CDIN1: variants seen among roughly 807,000 people sequenced by gnomAD.
The protein encoded by CDIN1 is CDAN1-interacting nuclease 1.
Under a neutral mutation model 45.3 loss-of-function variants are expected in CDIN1, and 33 were observed. The ratio of observed to expected loss-of-function variants is 0.73; its 90% CI spans 0.55 to 0.97. CDIN1 has a LOEUF of 0.97. CDIN1 is among the 50% of genes least tolerant of loss of function. The pLI is 0.00. For missense variants in CDIN1, 303 were observed against 339.4 expected (o/e 0.89, Z 0.84); for synonymous variants, 118 against 124.4 (o/e 0.95, Z 0.34).
chr15:36,733,016 A>T (rs1336904275), intron 10 of CDIN1, among the ~76,000 whole-genome samples: 1 of 152,098 alleles, frequency 6.6e-6, no homozygotes, highest in Admixed American at 6.5e-5. Flanking sequence ...ACTTATTAGC[A>T]TACTTCTTTG....
At chr15:36,658,604 T>C (rs2040870444) in intron 5 of CDIN1, among the ~76,000 whole-genome samples, 1 of 152,192 alleles carries the variant, frequency 6.6e-6, no homozygotes, top group Non-Finnish European at 1.5e-5. Flanking sequence ...CCTAGTCTCA[T>C]GTAAAAAAGA....
At chr15:36,644,256 G>T in intron 1 of CDIN1, 22 bp from the exon 2 acceptor site, 1 of 1,612,574 alleles carries the variant, frequency 6.2e-7, no homozygotes, top group Non-Finnish European at 8.5e-7. Context: ...AATTAACTTT[G>T]TCCTTCTTTT....
intron 3 of CDIN1, among the ~76,000 whole-genome samples, chr15:36,653,563 C>T (rs978144594): frequency 1.2e-4 from 18 of 151,588 alleles, no homozygotes; most frequent in Admixed American, 3.3e-4. Flanking sequence ...ATAATGAGAG[C>T]TGGAGGTTCT....
At chr15:36,760,647 C>T (rs1161795844) in intron 10 of CDIN1, among the ~76,000 whole-genome samples, 1 of 152,194 alleles carries the variant, frequency 6.6e-6, no homozygotes, top group Non-Finnish European at 1.5e-5. Context: ...CATCCCGCAC[C>T]TGAGGCCTCC....
chr15:36,724,856 AT>A (rs2043564310), intron 10 of CDIN1, among the ~76,000 whole-genome samples: 1 of 152,166 alleles, frequency 6.6e-6, no homozygotes, highest in South Asian at 2.1e-4. Context: ...TATTCAGGGT[AT>A]TGATAGTTAA....
chr15:36,656,205 C>G (rs2040775629), intron 4 of CDIN1, among the ~76,000 whole-genome samples: 1 of 152,160 alleles, frequency 6.6e-6, no homozygotes, highest in Non-Finnish European at 1.5e-5. Context: ...CATACACTTG[C>G]ATCTGGTGAC....
intron 10 of CDIN1, among the ~76,000 whole-genome samples, chr15:36,775,552 A>G (rs536341988): frequency 2.6e-5 from 4 of 152,344 alleles, no homozygotes; most frequent in South Asian, 4.1e-4. Flanking sequence ...ACATTTATCA[A>G]CTACACAGAG....
At chr15:36,642,840 A>G (rs1454272674) in intron 1 of CDIN1, among the ~76,000 whole-genome samples, 3 of 152,202 alleles carry the variant, frequency 2.0e-5, no homozygotes, top group Admixed American at 2.0e-4. Context: ...AATAATATAC[A>G]TGGTTGCTAT....
intron 10 of CDIN1, among the ~76,000 whole-genome samples, chr15:36,772,985 T>C (rs1019912724): frequency 1.3e-5 from 2 of 152,106 alleles, no homozygotes; most frequent in African/African-American, 2.4e-5. Flanking sequence ...CTCTCCTGCA[T>C]TGTAGTTACA....
In CDIN1 at chr15:36,590,635, A is replaced by T. The variant is rs144786166; in HGVS notation, c.101+10674A>T. On this transcript the variant is annotated intron_variant, in intron 1 of 10. Transcript: ENST00000566621. Reference sequence around the variant, plus strand: ...ATCATCATTGCTCCCCACCCCCAACATATACTTATTTTTAATTATTTTCAG... The same window carrying T: ...ATCATCATTGCTCCCCACCCCCAACTTATACTTATTTTTAATTATTTTCAG... 6.2e-4 allele frequency among the ~76,000 whole-genome samples: 94 copies of T among 152,258 alleles called. 1 individual carries two copies. The East Asian group carries it at 0.017, about 28-fold the overall frequency.
intron 7 of CDIN1, among the ~76,000 whole-genome samples, chr15:36,694,963 A>G (rs115398096): frequency 0.019 from 2,842 of 152,338 alleles, 100 homozygotes; most frequent in African/African-American, 0.065. Flanking sequence ...AATGTCTTCA[A>G]TGGACTCTGA....
At chr15:36,709,586 T>A (rs1365993132) in intron 9 of CDIN1, among the ~76,000 whole-genome samples, 2 of 152,176 alleles carry the variant, frequency 1.3e-5, no homozygotes, top group Non-Finnish European at 2.9e-5. Context: ...TTGGTCTGCT[T>A]GACATGGCAC....
intron 1 of CDIN1, among the ~76,000 whole-genome samples, chr15:36,620,417 T>C (rs996245507): frequency 2.0e-5 from 3 of 152,152 alleles, no homozygotes; most frequent in African/African-American, 7.2e-5. Context: ...AGTGTGTAGG[T>C]GAAATATATT....
intron 10 of CDIN1, among the ~76,000 whole-genome samples, chr15:36,722,575 G>A (rs548882470): frequency 1.3e-5 from 2 of 152,220 alleles, no homozygotes; most frequent in South Asian, 4.2e-4. Context: ...GTGAGACAGA[G>A]CCCTGTTCAC....
chr15:36,715,253 T>A (rs898330887), intron 10 of CDIN1, among the ~76,000 whole-genome samples: 5 of 152,188 alleles, frequency 3.3e-5, no homozygotes, highest in Admixed American at 2.6e-4. Context: ...AAGGCAATGC[T>A]AAGCTAATAC....
At chr15:36,636,318 C>A (rs755835242) in intron 1 of CDIN1, among the ~76,000 whole-genome samples, 5 of 151,986 alleles carry the variant, frequency 3.3e-5, no homozygotes, top group Non-Finnish European at 5.9e-5. Context: ...TTTGGGAGGC[C>A]AAGGTGGGAG....
At chr15:36,596,210 T>G (rs1469677243) in intron 1 of CDIN1, among the ~76,000 whole-genome samples, 2 of 152,040 alleles carry the variant, frequency 1.3e-5, no homozygotes, top group Non-Finnish European at 2.9e-5. Flanking sequence ...TTAAAGAAGT[T>G]TTGGATTAAA....
At chr15:36,785,149 T>C (rs2054456988) in intron 10 of CDIN1, among the ~76,000 whole-genome samples, 1 of 152,168 alleles carries the variant, frequency 6.6e-6, no homozygotes, top group Non-Finnish European at 1.5e-5. Flanking sequence ...ATGATTCACA[T>C]TTACATGGAG....
chr15:36,592,568 C>A (rs28510874), intron 1 of CDIN1, among the ~76,000 whole-genome samples: 1 of 152,050 alleles, frequency 6.6e-6, no homozygotes. Context: ...ATGTGTAACT[C>A]GTTCATTCTT....
Sources: allele counts gnomAD v4.1 joint callset (sites outside exome capture counted in the v4.1 genomes callset), GRCh38; gene constraint gnomAD v4.1.1; transcripts MANE v1.5; gene names NCBI Gene and HGNC (gene_info 2026-07-23, HGNC 2026-07-21).